The following PCDHA9 variants were observed in gnomAD, a reference collection of about 807,000 sequenced individuals.
PCDHA9 encodes the protein protocadherin alpha-9.
In PCDHA9, 62 loss-of-function variants were observed where a neutral mutation model predicts 62.0. The ratio of observed to expected loss-of-function variants is 1.00; its 90% CI spans 0.81 to 1.23. PCDHA9 has a LOEUF of 1.23. Ranked by LOEUF, PCDHA9 falls within the 50% of genes most tolerant of loss-of-function variation. The pLI, the probability that PCDHA9 is intolerant of heterozygous loss-of-function variation, is 0.00. For synonymous variants in PCDHA9, 557 were observed against 567.6 expected (o/e 0.98, Z 0.27); for missense variants, 1,205 against 1,249.8 (o/e 0.96, Z 0.54).
chr5:140,857,337 G>T, intron 1 of PCDHA9: 1 of 1,598,496 alleles, frequency 6.3e-7, no homozygotes, highest in South Asian at 1.1e-5. Context: ...CGGGACGGGG[G>T]CTCGCCTCCG....
chr5:140,915,771 G>T (rs1351294387), intron 1 of PCDHA9, among the ~76,000 whole-genome samples: 1 of 151,922 alleles, frequency 6.6e-6, no homozygotes, highest in Non-Finnish European at 1.5e-5. Flanking sequence ...TCTTGTCCAA[G>T]GCCTGCTGTA....
At position 141,010,400 on chromosome 5, in the gene PCDHA9, T is replaced by C. The variant is rs145123720; in HGVS notation, c.*463T>C. 379 of 1,297,746 alleles carry C rather than the reference T, an allele frequency of 2.9e-4. No individual in the cohort carries two copies. Among genetic ancestry groups the C allele is most frequent in the Non-Finnish European group, 3.8e-4 (370 of 966,092 alleles). 80.4% of individuals were successfully genotyped at this position (1,297,746 alleles called of 1,614,324 possible). ...CAGATATTGGCTGAGACGAGCCAGC[T>C]TAGACTAATTGGTACAAGGAAGGCA... On this transcript the variant is annotated 3_prime_UTR_variant, in exon 4 of 4. Transcript: ENST00000532602.
At chr5:140,869,811 C>T (rs1554163508) in intron 1 of PCDHA9, 10 of 1,612,246 alleles carry the variant, frequency 6.2e-6, no homozygotes, top group African/African-American at 2.7e-5. Context: ...TGGATGTCAA[C>T]GACAATGATC....
intron 3 of PCDHA9, among the ~76,000 whole-genome samples, chr5:140,993,307 A>G (rs1388803376): frequency 6.6e-6 from 1 of 152,056 alleles, no homozygotes; most frequent in Non-Finnish European, 1.5e-5. Flanking sequence ...TGCCTCCAGG[A>G]TAATACCTTC....
intron 1 of PCDHA9, chr5:140,864,136 T>C (rs2048335461): frequency 6.6e-6 from 1 of 152,238 alleles, no homozygotes; most frequent in African/African-American, 2.4e-5. Flanking sequence ...AGTGGCTGTT[T>C]CCTGTAAATG....
At chr5:140,988,600 T>C (rs962869761) in intron 3 of PCDHA9, among the ~76,000 whole-genome samples, 15 of 152,214 alleles carry the variant, frequency 9.9e-5, no homozygotes, top group Non-Finnish European at 1.8e-4. Context: ...AATGGTCATG[T>C]AAATAAAAGA....
At chr5:140,883,237 T>C in intron 1 of PCDHA9, 2 of 1,614,044 alleles carry the variant, frequency 1.2e-6, no homozygotes, top group Non-Finnish European at 1.7e-6. Context: ...TGGAGGCAGT[T>C]GACAAAGGAA....
intron 1 of PCDHA9, among the ~76,000 whole-genome samples, chr5:140,886,851 AG>A (rs2061199020): frequency 6.6e-6 from 1 of 151,608 alleles, no homozygotes; most frequent in South Asian, 2.1e-4. Context: ...AAAAAAAGAA[AG>A]GTCTTCCCAA....
chr5:140,958,197 A>G (rs896064147), intron 1 of PCDHA9, among the ~76,000 whole-genome samples: 7 of 152,140 alleles, frequency 4.6e-5, no homozygotes, highest in Non-Finnish European at 1.0e-4. Context: ...CTGGTCTAGT[A>G]TACAAGGGAA....
intron 1 of PCDHA9, chr5:140,869,938 T>TA (rs2051517617): frequency 6.2e-7 from 1 of 1,611,918 alleles, no homozygotes; most frequent in Admixed American, 1.7e-5. Context: ...AGAGGTAACA[T>TA]ACTCCTTAAT....
intron 1 of PCDHA9, chr5:140,861,416 C>G: frequency 2.1e-6 from 1 of 477,054 alleles, no homozygotes; most frequent in South Asian, 1.6e-5. Flanking sequence ...TGATACCGCG[C>G]CTGTTTCAGT....
chr5:140,856,909 G>T, intron 1 of PCDHA9: 1 of 1,596,132 alleles, frequency 6.3e-7, no homozygotes, highest in African/African-American at 1.3e-5. Context: ...TCCCACCCAC[G>T]ATAAGAAGGA....
chr5:140,871,527 G>A (rs537927360), intron 1 of PCDHA9: 3 of 1,531,844 alleles, frequency 2.0e-6, no homozygotes, highest in African/African-American at 2.8e-5. Context: ...CTATCAGGAA[G>A]TGTATGTGAA....
chr5:140,998,241 T>C (rs1554256206), intron 3 of PCDHA9, among the ~76,000 whole-genome samples: 1 of 152,194 alleles, frequency 6.6e-6, no homozygotes, highest in African/African-American at 2.4e-5. Context: ...TGCATTATTA[T>C]ACTCATTTTA....
chr5:140,991,482 G>A (rs781952323), intron 3 of PCDHA9, among the ~76,000 whole-genome samples: 3 of 152,204 alleles, frequency 2.0e-5, no homozygotes, highest in Non-Finnish European at 4.4e-5. Flanking sequence ...CTGGAAGTCA[G>A]AAGTCCACAG....
At chr5:140,921,681 C>T (rs1554200353) in intron 1 of PCDHA9, among the ~76,000 whole-genome samples, 1 of 152,136 alleles carries the variant, frequency 6.6e-6, no homozygotes, top group East Asian at 1.9e-4. Context: ...TATCATCAAA[C>T]ACTGGCCACC....
intron 1 of PCDHA9, 27 bp from the exon 2 acceptor site, chr5:140,978,922 C>G: frequency 6.2e-7 from 1 of 1,613,966 alleles, no homozygotes; most frequent in Non-Finnish European, 8.5e-7. Context: ...GTCATTTTAA[C>G]AGAAAACTCT....
intron 1 of PCDHA9, chr5:140,883,731 C>T (rs1287936712): frequency 6.2e-7 from 1 of 1,613,446 alleles, no homozygotes; most frequent in East Asian, 2.2e-5. Flanking sequence ...CAGGAGAACG[C>T]GCTGGTCTCC....
chr5:140,966,658 G>A (rs887585622), intron 1 of PCDHA9: 5 of 1,212,426 alleles, frequency 4.1e-6, no homozygotes, highest in Admixed American at 3.9e-5. Flanking sequence ...GAGCGGTGGG[G>A]GAGCAGGCGC....
Sources: gnomAD v4.1 joint callset for allele counts (sites outside exome capture counted in the v4.1 genomes callset) on GRCh38, gnomAD v4.1.1 for gene constraint, MANE v1.5 for transcripts, NCBI Gene and HGNC (gene_info 2026-07-23, HGNC 2026-07-21) for gene names.